Variants in PCDHA12 observed in about 807,000 individuals in gnomAD.
PCDHA12 encodes the protein protocadherin alpha 12, also known as protocadherin alpha-12.
Under a neutral mutation model 60.0 loss-of-function variants are expected in PCDHA12, and 44 were observed. That is an observed-to-expected ratio of 0.73 (90% confidence interval 0.58 to 0.94). The LOEUF (loss-of-function observed/expected upper bound fraction) is 0.94. PCDHA12 is among the 40% of genes least tolerant of loss of function. The pLI is 0.00. For synonymous variants in PCDHA12, 569 were observed against 553.0 expected (o/e 1.03, Z -0.40); for missense variants, 1,276 against 1,239.7 (o/e 1.03, Z -0.44).
chr5:140,931,716 T>G (rs1205500293), intron 1 of PCDHA12, among the ~76,000 whole-genome samples: 5 of 151,962 alleles, frequency 3.3e-5, no homozygotes, highest in Admixed American at 3.3e-4. Context: ...TAAAATAACT[T>G]CTATAAATAT....
intron 1 of PCDHA12, among the ~76,000 whole-genome samples, chr5:140,920,771 G>A (rs1256445366): frequency 6.6e-6 from 1 of 151,698 alleles, no homozygotes; most frequent in African/African-American, 2.4e-5. Context: ...TTACACCTGG[G>A]AGGTGGAGGT....
chr5:140,942,223 G>A (rs1334170178), intron 1 of PCDHA12, among the ~76,000 whole-genome samples: 4 of 152,064 alleles, frequency 2.6e-5, no homozygotes, highest in African/African-American at 9.7e-5. Flanking sequence ...TTTAAAATGT[G>A]TAGGCAAATA....
rs782118774 is a variant in PCDHA12 at position 140,929,021 on chromosome 5, G to A, written c.2368-49928G>A. ...TTCGTGTGTACCAAGTTGCACCAGAGCCCAGGCTGTTGCGCTCAGAGCTGC... is the reference window on the plus strand; with the variant it reads ...TTCGTGTGTACCAAGTTGCACCAGAACCCAGGCTGTTGCGCTCAGAGCTGC... On this transcript the variant is annotated intron_variant, in intron 1 of 3. Coordinates refer to ENST00000398631, the MANE Select transcript of PCDHA12 (RefSeq NM_018903.4). 5 of 1,614,072 alleles carry A rather than the reference G, an allele frequency of 3.1e-6. No homozygotes were observed. In the African/African-American group the frequency reaches 6.7e-5, roughly 22 times the overall value.
chr5:141,002,047 C>A (rs1449885583), intron 3 of PCDHA12, among the ~76,000 whole-genome samples: 2 of 152,202 alleles, frequency 1.3e-5, no homozygotes, highest in Non-Finnish European at 2.9e-5. Flanking sequence ...TCCTGGGCAT[C>A]CAGAGGCAGC....
intron 1 of PCDHA12, among the ~76,000 whole-genome samples, chr5:140,887,409 T>C (rs1203976948): frequency 6.6e-6 from 1 of 152,184 alleles, no homozygotes; most frequent in African/African-American, 2.4e-5. Context: ...TATCTCATTT[T>C]TATTTTTGAA....
At chr5:140,926,704 T>A in intron 1 of PCDHA12, 1 of 842,670 alleles carries the variant, frequency 1.2e-6, no homozygotes, top group Non-Finnish European at 1.7e-6. Context: ...GGCTCCCAGC[T>A]GGCCAGCCCC....
chr5:140,876,368 C>T lies in PCDHA12; in HGVS notation c.896C>T (p.Thr299Ile), dbSNP rs564115297. 3.7e-5 allele frequency: 59 copies of T among 1,613,904 alleles called. No homozygotes were observed. Among genetic ancestry groups the T allele is most frequent in the Non-Finnish European group, 4.9e-5 (58 of 1,179,894 alleles). ...TGTATGTTTTCAATAAATCCAGACA[C>T]AGGTGAAATTAGAATTTATGGTGAA... ...EKCMFSINPD[T>I]GEIRIYGELD... is the part of the protein sequence containing the mutation. The change falls in exon 1 of 4, where the codon ACA becomes ATA. Residue 299 changes from threonine to isoleucine, a missense_variant. Coordinates refer to ENST00000398631, the MANE Select transcript of PCDHA12 (RefSeq NM_018903.4).
chr5:141,007,158 A>C (rs1231758700), intron 3 of PCDHA12, among the ~76,000 whole-genome samples: 1 of 152,198 alleles, frequency 6.6e-6, no homozygotes, highest in African/African-American at 2.4e-5. Context: ...CTGTCAAAGA[A>C]CAGTCAGAGA....
intron 1 of PCDHA12, among the ~76,000 whole-genome samples, chr5:140,937,679 G>A (rs1357548421): frequency 5.9e-5 from 9 of 151,884 alleles, no homozygotes; most frequent in African/African-American, 1.9e-4. Context: ...TTGGGAGGCT[G>A]AGGCAGGCGG....
intron 2 of PCDHA12, among the ~76,000 whole-genome samples, chr5:140,980,561 C>T (rs1430874214): frequency 6.6e-6 from 1 of 151,974 alleles, no homozygotes; most frequent in Admixed American, 6.6e-5. Context: ...ACCCGGGAGG[C>T]GGAAGTTGCA....
intron 1 of PCDHA12, among the ~76,000 whole-genome samples, chr5:140,974,827 G>A (rs1356890991): frequency 6.6e-6 from 1 of 152,182 alleles, no homozygotes; most frequent in Admixed American, 6.5e-5. Flanking sequence ...GCAACATAAT[G>A]ATTATTTTAA....
At chr5:140,993,462 T>TCACACACACACACACACA (rs3836747) in intron 3 of PCDHA12, among the ~76,000 whole-genome samples, 2 of 140,938 alleles carry the variant, frequency 1.4e-5, no homozygotes, top group African/African-American at 5.3e-5. Flanking sequence ...TCTTTCTTTC[T>TCACACACACACACACACA]CACACACACA....
At chr5:140,968,252 C>A (rs201156874) in intron 1 of PCDHA12, 7 of 1,613,948 alleles carry the variant, frequency 4.3e-6, no homozygotes, top group Non-Finnish European at 8.5e-7. Context: ...AGCCACAGAC[C>A]CAGATGAAAA....
At position 140,969,194 on chromosome 5, in the gene PCDHA12, A is replaced by G. The variant is rs782262250; in HGVS notation, c.2368-9755A>G. On this transcript the variant is annotated intron_variant, in intron 1 of 3. Coordinates refer to ENST00000398631, the MANE Select transcript of PCDHA12 (RefSeq NM_018903.4). ...AGGGAGTGACACTTTCATGTTTTAC[A>G]ATACAGGGGCCCAGACAGGACCAGG... 1.8e-5 allele frequency: 29 copies of G among 1,614,026 alleles called. No homozygotes were observed. The highest frequency in any genetic ancestry group is 2.3e-5 in the Non-Finnish European group (27 of 1,180,018).
chr5:140,928,733 A>G (rs1435823697), intron 1 of PCDHA12: 2 of 1,614,100 alleles, frequency 1.2e-6, no homozygotes, highest in Non-Finnish European at 1.7e-6. Context: ...ATTTCAGCCA[A>G]TATAGGTGAG....
intron 1 of PCDHA12, among the ~76,000 whole-genome samples, chr5:140,936,813 T>C (rs1299896116): frequency 6.6e-6 from 1 of 152,216 alleles, no homozygotes; most frequent in Non-Finnish European, 1.5e-5. Flanking sequence ...TTAGCTATTT[T>C]TGGCCCTTTG....
chr5:140,926,890 A>ACCCTCCCT (rs782687521), intron 1 of PCDHA12: 1 of 1,543,756 alleles, frequency 6.5e-7, no homozygotes, highest in Non-Finnish European at 8.7e-7. Context: ...GCCTAGAGGG[A>ACCCTCCCT]GGATGGTGGG....
chr5:140,887,525 TC>T (rs552124664), intron 1 of PCDHA12, among the ~76,000 whole-genome samples: 1 of 152,154 alleles, frequency 6.6e-6, no homozygotes, highest in South Asian at 2.1e-4. Context: ...TATATATGAG[TC>T]TTCCTCTCCC....
chr5:140,903,124 T>C (rs1554190771), intron 1 of PCDHA12, among the ~76,000 whole-genome samples: 1 of 152,234 alleles, frequency 6.6e-6, no homozygotes, highest in Non-Finnish European at 1.5e-5. Context: ...TCTAAATCTT[T>C]AAGAAATCTC....
Sources: gnomAD v4.1 joint callset for allele counts (sites outside exome capture counted in the v4.1 genomes callset) on GRCh38, gnomAD v4.1.1 for gene constraint, MANE v1.5 for transcripts, NCBI Gene and HGNC (gene_info 2026-07-23, HGNC 2026-07-21) for gene names.